Variants in C12orf54 observed in about 807,000 individuals in gnomAD.
The protein encoded by C12orf54 is chromosome 12 open reading frame 54.
C12orf54 carries 24 observed loss-of-function variants against 26.4 expected under a neutral mutation model. The observed-to-expected ratio is 0.91, with a 90% CI of 0.66 to 1.28. The LOEUF (loss-of-function observed/expected upper bound fraction) is 1.28. Ranked by LOEUF, C12orf54 falls within the 50% of genes most tolerant of loss-of-function variation. The pLI, the probability that C12orf54 is intolerant of heterozygous loss-of-function variation, is 0.00. For missense variants in C12orf54, 154 were observed against 150.9 expected, an observed-to-expected ratio of 1.02 and a Z score of -0.11; for synonymous variants, 54 against 47.0, an observed-to-expected ratio of 1.15 and a Z score of -0.61.
At chr12:48,473,373 C>A in the C12orf54 span, 1 of 1,045,682 alleles carries the variant, frequency 9.6e-7, no homozygotes, top group Non-Finnish European at 1.4e-6. Flanking sequence ...GGGTCAGAAG[C>A]GAAAATAAGA....
chr12:48,473,766 G>C, the C12orf54 span: 1 of 171,270 alleles, frequency 5.8e-6, no homozygotes, highest in Non-Finnish European at 1.2e-5. Context: ...CCAAGTCTCA[G>C]GTTGGGTGGA....
chr12:48,472,096 C>T, the C12orf54 span, among the ~76,000 whole-genome samples: 6 of 152,054 alleles, frequency 3.9e-5, no homozygotes, highest in African/African-American at 1.4e-4. Flanking sequence ...ATTTCATTTT[C>T]TTTGTGGCTA....
chr12:48,427,212 G>A, the C12orf54 span, among the ~76,000 whole-genome samples: 1 of 152,140 alleles, frequency 6.6e-6, no homozygotes, highest in Non-Finnish European at 1.5e-5. Context: ...TTGGCTGTGG[G>A]TTTGTCACAG....
chr12:48,433,411 A>G, the C12orf54 span, among the ~76,000 whole-genome samples: 1 of 147,600 alleles, frequency 6.8e-6, no homozygotes, highest in African/African-American at 2.5e-5. Context: ...TTGACTCACA[A>G]CTTACACATT....
chr12:48,462,493 AATTTT>A, the C12orf54 span, among the ~76,000 whole-genome samples: 1 of 151,596 alleles, frequency 6.6e-6, no homozygotes. Flanking sequence ...ATTTTAATAA[AATTTT>A]ATCAAGCAAA....
chr12:48,461,662 A>G, the C12orf54 span, among the ~76,000 whole-genome samples: 2 of 151,876 alleles, frequency 1.3e-5, no homozygotes, highest in African/African-American at 4.8e-5. Flanking sequence ...CAAAAAGGAA[A>G]ATTAGAAGGC....
At chr12:48,419,365 G>A in the C12orf54 span, among the ~76,000 whole-genome samples, 4 of 152,104 alleles carry the variant, frequency 2.6e-5, no homozygotes, top group African/African-American at 9.7e-5. Context: ...TCATAAAATG[G>A]CATGTAACAT....
At chr12:48,425,467 C>T in the C12orf54 span, among the ~76,000 whole-genome samples, 1 of 152,064 alleles carries the variant, frequency 6.6e-6, no homozygotes, top group African/African-American at 2.4e-5. Flanking sequence ...TTTCTTTATC[C>T]AATCTGTCAT....
chr12:48,475,921 A>G, the C12orf54 span, among the ~76,000 whole-genome samples: 3 of 151,956 alleles, frequency 2.0e-5, no homozygotes, highest in Non-Finnish European at 4.4e-5. Context: ...CCTCGAGAAG[A>G]GCAACTCCAA....
chr12:48,432,179 T>C, the C12orf54 span, among the ~76,000 whole-genome samples: 1 of 152,208 alleles, frequency 6.6e-6, no homozygotes, highest in Non-Finnish European at 1.5e-5. Flanking sequence ...CAATTTGTTA[T>C]TAACAAATTA....
chr12:48,468,509 A>G, the C12orf54 span, among the ~76,000 whole-genome samples: 1 of 152,238 alleles, frequency 6.6e-6, no homozygotes, highest in Non-Finnish European at 1.5e-5. Flanking sequence ...TATTTATTTT[A>G]CAAGAGACAC....
the C12orf54 span, among the ~76,000 whole-genome samples, chr12:48,463,099 A>G: frequency 6.6e-6 from 1 of 151,996 alleles, no homozygotes; most frequent in African/African-American, 2.4e-5. Flanking sequence ...ACTAGGAACA[A>G]CCGAAACTTA....
At chr12:48,470,985 T>C in the C12orf54 span, among the ~76,000 whole-genome samples, 1 of 152,154 alleles carries the variant, frequency 6.6e-6, no homozygotes, top group Non-Finnish European at 1.5e-5. Flanking sequence ...TTACACTCTT[T>C]AAATTATTTT....
At chr12:48,481,215 A>ATTT (rs1178776312), upstream of C12orf54, among the ~76,000 whole-genome samples, 170 of 147,450 alleles carry the variant, frequency 1.2e-3, 1 homozygote, top group East Asian at 4.7e-3. Context: ...TTTTTTAAAA[A>ATTT]AAATGACTTT....
chr12:48,486,160 A>G lies in C12orf54; in HGVS notation c.66-18A>G, dbSNP rs561269522. The G allele has an allele frequency of 9.0e-5, 144 of 1,605,118 alleles. 2 individuals carry two copies. In the South Asian group the frequency reaches 1.4e-3, roughly 16 times the overall value. On this transcript the variant is annotated intron_variant, in intron 2 of 8. Transcript: ENST00000548364. ...ATTCTGTGCTCCTCATCAGGTTTAT[A>G]TCATTCTTTCTTTGCAGCACATCCA...
intron 5 of C12orf54, chr12:48,489,195 G>A (rs1201633191): frequency 1.5e-6 from 1 of 678,042 alleles, no homozygotes; most frequent in South Asian, 1.5e-5. Flanking sequence ...GTATCTGCTA[G>A]AACTTGTCTC....
At chr12:48,456,830 T>C in the C12orf54 span, among the ~76,000 whole-genome samples, 2 of 152,110 alleles carry the variant, frequency 1.3e-5, no homozygotes, top group African/African-American at 4.8e-5. Context: ...ATAAACCACA[T>C]TAAATGCACA....
chr12:48,479,794 A>T (rs1954179962), upstream of C12orf54, among the ~76,000 whole-genome samples: 1 of 151,698 alleles, frequency 6.6e-6, no homozygotes, highest in South Asian at 2.1e-4. Context: ...ATCTGCACCC[A>T]TTTTTCTCCT....
the C12orf54 span, among the ~76,000 whole-genome samples, chr12:48,450,022 G>A: frequency 6.6e-6 from 1 of 152,054 alleles, no homozygotes; most frequent in Non-Finnish European, 1.5e-5. Context: ...ATGATCCTGA[G>A]GCCTCCCCAT....
Sources: allele counts gnomAD v4.1 joint callset (sites outside exome capture counted in the v4.1 genomes callset), GRCh38; gene constraint gnomAD v4.1.1; transcripts MANE v1.5; gene names NCBI Gene and HGNC (gene_info 2026-07-23, HGNC 2026-07-21).